Variants in MPDZ observed in about 807,000 individuals in gnomAD.
The protein encoded by MPDZ is multiple PDZ domain protein.
A neutral mutation model predicts 239.1 loss-of-function variants in MPDZ; 234 were observed. That is an observed-to-expected ratio of 0.98 (90% CI 0.88 to 1.09). The LOEUF is 1.09. Among genes scored for constraint, MPDZ ranks in the 50% least tolerant of loss-of-function variants. The pLI, the probability that MPDZ is intolerant of heterozygous loss-of-function variation, is 0.00. For synonymous variants in MPDZ, 1,048 were observed against 881.3 expected (o/e 1.19, Z -3.35); for missense variants, 3,175 against 2,510.0 (o/e 1.26, Z -5.66).
At chr9:13,157,916 T>C in intron 24 of MPDZ, 102 bp downstream of exon 24, 7 of 926,686 alleles carry the variant, frequency 7.6e-6, no homozygotes, top group Non-Finnish European at 1.0e-5. Context: ...ACTCACCCGA[T>C]ATAACAAGAA....
chr9:13,122,259 TAGAC>T, intron 36 of MPDZ, 89 bp from the exon 37 acceptor site: 1 of 1,126,818 alleles, frequency 8.9e-7, no homozygotes, highest in Non-Finnish European at 1.3e-6. Flanking sequence ...TATACTTTGA[TAGAC>T]AGCAATAAGG....
intron 40 of MPDZ, 77 bp downstream of exon 40, chr9:13,115,171 G>A: frequency 3.2e-6 from 4 of 1,261,780 alleles, no homozygotes; most frequent in African/African-American, 2.9e-5. Flanking sequence ...CTTGTACACA[G>A]ACCCACAGTC....
At chr9:13,149,496 C>A (rs1299112746) in intron 25 of MPDZ, among the ~76,000 whole-genome samples, 1 of 152,040 alleles carries the variant, frequency 6.6e-6, no homozygotes, top group Non-Finnish European at 1.5e-5. Context: ...CTCAGAAAAT[C>A]TAGGTCAGGT....
intron 3 of MPDZ, among the ~76,000 whole-genome samples, chr9:13,247,309 G>A (rs1966788646): frequency 1.3e-5 from 2 of 152,128 alleles, no homozygotes; most frequent in African/African-American, 4.8e-5. Context: ...CATGAACAAT[G>A]AGCCTCAGTG....
intron 10 of MPDZ, among the ~76,000 whole-genome samples, chr9:13,206,460 C>G (rs1957004430): frequency 6.6e-6 from 1 of 151,938 alleles, no homozygotes; most frequent in African/African-American, 2.4e-5. Context: ...GCAATCATGG[C>G]TTCCTTCAAT....
At chr9:13,125,509 G>C (rs1280646758) in intron 34 of MPDZ, 119 bp from the exon 35 acceptor site, 8 of 870,348 alleles carry the variant, frequency 9.2e-6, no homozygotes, top group Non-Finnish European at 1.3e-5. Context: ...AGGGACAGAT[G>C]CAAATTATTT....
chr9:13,243,907 C>T (rs940607682), intron 3 of MPDZ, among the ~76,000 whole-genome samples: 7 of 152,152 alleles, frequency 4.6e-5, no homozygotes, highest in East Asian at 1.9e-4. Flanking sequence ...AGGTCACTGA[C>T]GAGGAGAGAC....
chr9:13,188,011 G>A (rs1346934964), intron 17 of MPDZ, among the ~76,000 whole-genome samples: 2 of 152,136 alleles, frequency 1.3e-5, no homozygotes, highest in Admixed American at 6.6e-5. Context: ...CTGCTCTGCA[G>A]TAACTAGACA....
chr9:13,195,878 A>T (rs964188993), intron 13 of MPDZ, among the ~76,000 whole-genome samples: 11 of 152,208 alleles, frequency 7.2e-5, no homozygotes, highest in Non-Finnish European at 1.6e-4. Context: ...TACTGGAAAT[A>T]TTAAAATACT....
intron 41 of MPDZ, among the ~76,000 whole-genome samples, chr9:13,113,347 G>A (rs1457977142): frequency 6.6e-6 from 1 of 151,960 alleles, no homozygotes; most frequent in Non-Finnish European, 1.5e-5. Context: ...TGCATAGAAA[G>A]GCACATGTGC....
chr9:13,224,603 T>C lies in MPDZ; in HGVS notation c.184-20A>G. On this transcript the variant is annotated intron_variant, in intron 3 of 46. Transcript: ENST00000319217. Reference sequence around the variant, plus strand: ...ATTTACCTAAGAGTAATGCAGGGATTATTAAGAATTTTGACATTCCATAAA... The same window carrying C: ...ATTTACCTAAGAGTAATGCAGGGATCATTAAGAATTTTGACATTCCATAAA... 1 of 1,509,500 alleles carries C rather than the reference T, an allele frequency of 6.6e-7. No individual in the cohort carries two copies. The highest frequency in any genetic ancestry group is 9.1e-7 in the Non-Finnish European group (1 of 1,100,256). The allele number at this position is 1,509,500 out of a possible 1,614,324, so 93.5% of individuals were successfully genotyped here. A position where few individuals can be genotyped will look rare whatever the true frequency, so the allele number is the denominator to read the frequency against.
intron 23 of MPDZ, among the ~76,000 whole-genome samples, chr9:13,160,845 T>TAC (rs1950382256): frequency 9.7e-6 from 1 of 103,582 alleles, no homozygotes; most frequent in Non-Finnish European, 2.1e-5. Context: ...TATATATATA[T>TAC]ATATATATAT....
chr9:13,270,525 T>C (rs1465467753), intron 1 of MPDZ, among the ~76,000 whole-genome samples: 1 of 150,704 alleles, frequency 6.6e-6, no homozygotes, highest in Admixed American at 6.6e-5. Flanking sequence ...ATAAAAGACA[T>C]GGGTAAAAGA....
chr9:13,126,485 C>T, intron 34 of MPDZ, 31 bp downstream of exon 34: 1 of 1,467,870 alleles, frequency 6.8e-7, no homozygotes, highest in Non-Finnish European at 9.3e-7. Context: ...GATGGGCCTA[C>T]ATTACCATTT....
At chr9:13,250,154 C>T in intron 2 of MPDZ, 146 bp downstream of exon 2, 1 of 637,134 alleles carries the variant, frequency 1.6e-6, no homozygotes, top group East Asian at 2.8e-5. Flanking sequence ...AAACATATTA[C>T]CTTAATACAA....
chr9:13,127,849 T>C (rs543341225), intron 32 of MPDZ, among the ~76,000 whole-genome samples: 6 of 152,344 alleles, frequency 3.9e-5, no homozygotes, highest in Admixed American at 1.3e-4. Context: ...TACCTAACTA[T>C]AGAAATTTGG....
intron 23 of MPDZ, among the ~76,000 whole-genome samples, chr9:13,161,896 C>G (rs940334446): frequency 2.6e-5 from 4 of 152,134 alleles, no homozygotes; most frequent in African/African-American, 9.6e-5. Context: ...AAGCCAAACA[C>G]TGTTTCCTAA....
intron 40 of MPDZ, 56 bp from the exon 41 acceptor site, chr9:13,114,077 T>C: frequency 7.7e-7 from 1 of 1,292,974 alleles, no homozygotes; most frequent in Non-Finnish European, 1.1e-6. Flanking sequence ...ACTCCCTAAA[T>C]ACCACTTATT....
At chr9:13,217,929 A>G (rs1254485456) in intron 8 of MPDZ, among the ~76,000 whole-genome samples, 1 of 151,854 alleles carries the variant, frequency 6.6e-6, no homozygotes, top group Non-Finnish European at 1.5e-5. Flanking sequence ...TACAAATTCT[A>G]TGTTGGACTG....
Sources: gnomAD v4.1 joint callset for allele counts (sites outside exome capture counted in the v4.1 genomes callset) on GRCh38, gnomAD v4.1.1 for gene constraint, MANE v1.5 for transcripts, NCBI Gene and HGNC (gene_info 2026-07-23, HGNC 2026-07-21) for gene names.